The following SLC17A6 variants were observed in gnomAD, a reference collection of about 807,000 sequenced individuals.
SLC17A6 encodes solute carrier family 17 member 6, also known as vesicular glutamate transporter 2.
SLC17A6 carries 35 observed loss-of-function variants against 67.1 expected under a neutral mutation model. That is an observed-to-expected ratio of 0.52 (90% confidence interval 0.40 to 0.69). SLC17A6 has a LOEUF of 0.69. SLC17A6 is among the 30% of genes least tolerant of loss of function. The pLI, the probability that SLC17A6 is intolerant of heterozygous loss-of-function variation, is 0.00. For synonymous variants in SLC17A6, 285 were observed against 252.3 expected, an observed-to-expected ratio of 1.13 and a Z score of -1.23; for missense variants, 588 against 723.9, an observed-to-expected ratio of 0.81 and a Z score of 2.15.
intron 3 of SLC17A6, among the ~76,000 whole-genome samples, chr11:22,352,017 T>C (rs975188322): frequency 2.0e-5 from 3 of 152,216 alleles, no homozygotes; most frequent in Non-Finnish European, 4.4e-5. Context: ...ACAAGCATAA[T>C]ATAATATATA....
intron 8 of SLC17A6, among the ~76,000 whole-genome samples, chr11:22,374,137 C>T (rs1245058412): frequency 6.6e-6 from 1 of 151,890 alleles, no homozygotes; most frequent in Non-Finnish European, 1.5e-5. Flanking sequence ...GATCTTGGTG[C>T]GTAAAGTTTT....
Position 22,365,637 on chromosome 11 carries a change from G to C in SLC17A6, c.839G>C (p.Arg280Thr), listed in dbSNP as rs777572432. The part of the protein sequence containing the change: ...KHPTITDEER[R>T]YIEESIGESA... ...CCTACTATTACAGATGAAGAACGTA[G>C]GTACATAGAAGAAAGCATTGGAGAG... Residue 280 changes from arginine (R) to threonine (T), a missense_variant, in exon 7 of 12, where the codon AGG (arginine) becomes ACG (threonine). By Grantham distance (71) the Arg-to-Thr change is moderately conservative. This residue lies in a region of SLC17A6 where 414 missense variants were observed against 563.4 expected (regional missense o/e 0.73). Transcript: ENST00000263160. 3 of 1,613,856 alleles carry C rather than the reference G, an allele frequency of 1.9e-6. No homozygotes were observed. Among genetic ancestry groups the C allele is most frequent in the South Asian group, 2.2e-5 (2 of 91,050 alleles).
In SLC17A6 at chr11:22,378,766, A is replaced by T. The variant is rs1214895624; in HGVS notation, c.*1026A>T. 1 of 152,154 alleles carries T rather than the reference A, an allele frequency of 6.6e-6. No individual in the cohort carries two copies. The highest frequency in any genetic ancestry group is 2.4e-5 in the African/African-American group (1 of 41,448). 9.4% of individuals were successfully genotyped at this position (152,154 alleles called of 1,614,324 possible). A position where few individuals can be genotyped will look rare whatever the true frequency, so the allele number is the denominator to read the frequency against. On this transcript the variant is annotated 3_prime_UTR_variant, in exon 12 of 12. Coordinates refer to ENST00000263160, the MANE Select transcript of SLC17A6 (RefSeq NM_020346.3). Reference sequence around the variant, plus strand: ...CTTCATAGAGATATTGTAAGTAGGTAATTTTATTATTTAAAGTCCTATTAA... The same window carrying T: ...CTTCATAGAGATATTGTAAGTAGGTTATTTTATTATTTAAAGTCCTATTAA...
chr11:22,354,662 T>C (rs1345444551), intron 3 of SLC17A6, among the ~76,000 whole-genome samples: 3 of 152,216 alleles, frequency 2.0e-5, no homozygotes, highest in Non-Finnish European at 4.4e-5. Flanking sequence ...TCTGCGGCTA[T>C]TACAGTAAGT....
intron 6 of SLC17A6, among the ~76,000 whole-genome samples, chr11:22,364,719 G>A (rs895385074): frequency 4.6e-5 from 7 of 151,968 alleles, no homozygotes; most frequent in Non-Finnish European, 1.0e-4. Flanking sequence ...ACAGTGTGAG[G>A]GAAAAATGAA....
chr11:22,372,845 G>T (rs1490259084), intron 8 of SLC17A6, among the ~76,000 whole-genome samples: 8 of 152,100 alleles, frequency 5.3e-5, no homozygotes, highest in African/African-American at 1.9e-4. Flanking sequence ...TTGATCATGT[G>T]TCAAGTGATT....
At chr11:22,371,987 C>T (rs1049607625) in intron 8 of SLC17A6, among the ~76,000 whole-genome samples, 1 of 151,924 alleles carries the variant, frequency 6.6e-6, no homozygotes, top group Non-Finnish European at 1.5e-5. Flanking sequence ...GAATAATTAT[C>T]GGCTTCAATT....
intron 3 of SLC17A6, among the ~76,000 whole-genome samples, chr11:22,346,891 G>A (rs1035392531): frequency 1.3e-5 from 2 of 149,720 alleles, no homozygotes; most frequent in Non-Finnish European, 3.0e-5. Flanking sequence ...AACCATAGAA[G>A]GTCAGATACA....
chr11:22,379,131 G>A lies in SLC17A6; in HGVS notation c.*1391G>A, dbSNP rs577570480. On this transcript the variant is annotated 3_prime_UTR_variant, in exon 12 of 12. Transcript: ENST00000263160. ...GCTTGTAGTAGCTGTTTGGGTGGTT[G>A]GAATAATTTTATTTTTCTTTTAAAA... The A allele has an allele frequency of 2.2e-3, 339 of 152,372 alleles. 3 individuals are homozygous for A. The highest frequency in any genetic ancestry group is 7.6e-3 in the African/African-American group (313 of 41,452). 9.4% of individuals were successfully genotyped at this position (152,372 alleles called of 1,614,324 possible).
intron 9 of SLC17A6, 42 bp downstream of exon 9, chr11:22,374,929 T>C: frequency 1.3e-6 from 2 of 1,575,964 alleles, no homozygotes; most frequent in Non-Finnish European, 1.7e-6. Flanking sequence ...TTTAGTTCAA[T>C]CAGTTTAACC....
chr11:22,343,345 G>A lies in SLC17A6; in HGVS notation c.438G>A (p.Ala146=). ...CTCAGATTCCGGGAGGCTACATCGC[G>A]TCTCGGCTGGCAGCCAACAGGTAAT... ...IITQIPGGYI[A]SRLAANRVFG... Residue 146 remains alanine, a synonymous_variant, in exon 3 of 12, where the codon GCG becomes GCA. Coordinates refer to ENST00000263160, the MANE Select transcript of SLC17A6 (RefSeq NM_020346.3). 1 of 1,611,160 alleles carries A rather than the reference G, an allele frequency of 6.2e-7. No homozygotes were observed. The highest frequency in any genetic ancestry group is 2.2e-5 in the East Asian group (1 of 44,806).
intron 7 of SLC17A6, among the ~76,000 whole-genome samples, chr11:22,367,105 G>A (rs746136594): frequency 9.3e-5 from 14 of 150,810 alleles, no homozygotes; most frequent in Non-Finnish European, 2.1e-4. Context: ...GTTTCCTTAT[G>A]CTAAGAGCTG....
At chr11:22,348,171 G>A (rs1026793093) in intron 3 of SLC17A6, among the ~76,000 whole-genome samples, 3 of 152,140 alleles carry the variant, frequency 2.0e-5, no homozygotes, top group Non-Finnish European at 4.4e-5. Context: ...ATACATGATG[G>A]CAAGGTACCT....
At chr11:22,344,382 C>G (rs1237744297) in intron 3 of SLC17A6, among the ~76,000 whole-genome samples, 1 of 152,208 alleles carries the variant, frequency 6.6e-6, no homozygotes, top group Non-Finnish European at 1.5e-5. Flanking sequence ...CACCTCATCT[C>G]TCAGGCCCCA....
At chr11:22,357,749 A>C (rs1240522521) in intron 3 of SLC17A6, among the ~76,000 whole-genome samples, 2 of 152,226 alleles carry the variant, frequency 1.3e-5, no homozygotes, top group Non-Finnish European at 2.9e-5. Flanking sequence ...ATTATAATAA[A>C]ATAAGACACA....
At chr11:22,368,236 AT>A (rs1197709344) in intron 7 of SLC17A6, among the ~76,000 whole-genome samples, 1 of 152,092 alleles carries the variant, frequency 6.6e-6, no homozygotes, top group Non-Finnish European at 1.5e-5. Context: ...CAAATTTCTA[AT>A]ACCATCTATA....
At chr11:22,365,454 T>C (rs1309695275) in intron 6 of SLC17A6, 93 bp from the exon 7 acceptor site, 14 of 1,320,602 alleles carry the variant, frequency 1.1e-5, no homozygotes, top group African/African-American at 1.5e-5. Context: ...TTCTTTCTAA[T>C]AGAATATGTT....
At chr11:22,338,666 A>G in intron 1 of SLC17A6, 47 bp downstream of exon 1, 2 of 1,388,422 alleles carry the variant, frequency 1.4e-6, no homozygotes, top group Non-Finnish European at 2.0e-6. Context: ...GCATGAAAAA[A>G]TCTGCAGGGC....
At chr11:22,350,166 A>G (rs1564980119) in intron 3 of SLC17A6, among the ~76,000 whole-genome samples, 2 of 152,156 alleles carry the variant, frequency 1.3e-5, no homozygotes, top group South Asian at 2.1e-4. Flanking sequence ...AATGCTAATC[A>G]TCAGGCAGTT....
Sources: allele counts gnomAD v4.1 joint callset (sites outside exome capture counted in the v4.1 genomes callset), GRCh38; gene constraint gnomAD v4.1.1; regional missense constraint gnomAD v4.1.1; transcripts MANE v1.5; gene names NCBI Gene and HGNC (gene_info 2026-07-23, HGNC 2026-07-21).